The following ADAM2 variants were observed in gnomAD, a reference collection of about 807,000 sequenced individuals.
ADAM2 encodes the protein ADAM metallopeptidase domain 2.
ADAM2 carries 101 observed loss-of-function variants against 99.3 expected under a neutral mutation model. The ratio of observed to expected loss-of-function variants is 1.02; its 90% CI spans 0.87 to 1.20. The LOEUF (loss-of-function observed/expected upper bound fraction) is 1.20, where lower values mean the gene tolerates loss of function less well. Ranked by LOEUF, ADAM2 falls within the 50% of genes most tolerant of loss-of-function variation. The probability of loss-of-function intolerance (pLI) is 0.00; values close to 1 mark genes in which losing one functional copy is unlikely to be tolerated. For synonymous variants in ADAM2, 323 were observed against 287.6 expected, an observed-to-expected ratio of 1.12 and a Z score of -1.25; for missense variants, 948 against 878.7, an observed-to-expected ratio of 1.08 and a Z score of -1.00.
intron 7 of ADAM2, among the ~76,000 whole-genome samples, chr8:39,792,922 G>A (rs554656963): frequency 7.2e-5 from 11 of 152,136 alleles, no homozygotes; most frequent in Admixed American, 2.0e-4. Context: ...AAACTGGGTC[G>A]GGAAGACAGT....
At chr8:39,787,999 A>T in intron 9 of ADAM2, 86 bp downstream of exon 9, 1 of 890,420 alleles carries the variant, frequency 1.1e-6, no homozygotes, top group Non-Finnish European at 1.6e-6. Flanking sequence ...GATTTTTTTA[A>T]TACACATTTA....
At chr8:39,754,357 T>G (rs1193235405) in intron 16 of ADAM2, among the ~76,000 whole-genome samples, 2 of 152,150 alleles carry the variant, frequency 1.3e-5, no homozygotes, top group Non-Finnish European at 2.9e-5. Flanking sequence ...CTGCTCTGGA[T>G]GGACAACCTC....
chr8:39,770,532 C>T (rs1164484209), intron 11 of ADAM2, among the ~76,000 whole-genome samples: 5 of 152,178 alleles, frequency 3.3e-5, no homozygotes, highest in Non-Finnish European at 7.4e-5. Context: ...CCAATCAAAA[C>T]AAATGAGTTA....
At chr8:39,788,504 T>C (rs1803569321) in intron 8 of ADAM2, among the ~76,000 whole-genome samples, 165 bp downstream of exon 8, 1 of 151,814 alleles carries the variant, frequency 6.6e-6, no homozygotes, top group South Asian at 2.1e-4. Flanking sequence ...GTAGCCAAAT[T>C]ATGTGCATAC....
intron 7 of ADAM2, among the ~76,000 whole-genome samples, chr8:39,795,957 TG>T (rs1465293092): frequency 6.6e-6 from 1 of 152,110 alleles, no homozygotes; most frequent in Non-Finnish European, 1.5e-5. Flanking sequence ...GCAAACCCAA[TG>T]GTCTTTCCTT....
chr8:39,808,811 G>A (rs1804567656), intron 7 of ADAM2, among the ~76,000 whole-genome samples: 1 of 152,124 alleles, frequency 6.6e-6, no homozygotes. Context: ...AGTTACTTGT[G>A]AGGCTAAGGC....
intron 7 of ADAM2, among the ~76,000 whole-genome samples, chr8:39,802,463 C>G (rs543634916): frequency 4.6e-5 from 7 of 152,280 alleles, no homozygotes; most frequent in Admixed American, 3.9e-4. Flanking sequence ...TAGCTCTGTT[C>G]ATTGTTTTTG....
chr8:39,835,677 G>A (rs1369403946), intron 2 of ADAM2, among the ~76,000 whole-genome samples: 4 of 112,570 alleles, frequency 3.6e-5, no homozygotes, highest in Non-Finnish European at 7.8e-5. Context: ...GCAAGACTCC[G>A]TCTCAAAAAA....
chr8:39,759,999 TGGGATTACAGGC>T (rs926758317), intron 15 of ADAM2, among the ~76,000 whole-genome samples: 1 of 152,122 alleles, frequency 6.6e-6, no homozygotes, highest in African/African-American at 2.4e-5. Flanking sequence ...CTCGAGTAGC[TGGGATTACAGGC>T]AACCGCCATC....
chr8:39,826,404 T>C (rs1359171567), intron 3 of ADAM2, among the ~76,000 whole-genome samples: 1 of 151,944 alleles, frequency 6.6e-6, no homozygotes, highest in Non-Finnish European at 1.5e-5. Context: ...AAAAACAAAA[T>C]TGCATCGTTT....
intron 7 of ADAM2, among the ~76,000 whole-genome samples, chr8:39,792,772 CTGA>C: frequency 6.6e-6 from 1 of 152,218 alleles, no homozygotes; most frequent in South Asian, 2.1e-4. Context: ...GAACCAGCCT[CTGA>C]CTATAAGTTA....
At position 39,821,596 on chromosome 8, in the gene ADAM2, T is replaced by A. The variant is rs1259065203; in HGVS notation, c.334A>T (p.Thr112Ser). The change falls in exon 5 of 21, where the codon ACT (threonine) becomes TCT (serine). Residue 112 changes from threonine to serine, a missense_variant. Physicochemically the swap from Thr to Ser is moderately conservative, Grantham distance 58. Transcript: ENST00000265708. ...ACAGTAAATTACAACCTGAGTCCAG[T>A]ACATGTGCTAACCATCACCACAGAT... is the stretch of plus-strand genomic sequence containing the variant. ...PKSVVMVSTCTGLRGVLQFEN... is the reference protein window; with the variant it reads ...PKSVVMVSTCSGLRGVLQFEN... The A allele has an allele frequency of 6.3e-7, 1 of 1,597,984 alleles. No homozygotes were observed. Among genetic ancestry groups the A allele is most frequent in the Non-Finnish European group, 8.6e-7 (1 of 1,166,114 alleles).
At chr8:39,788,348 A>C (rs552121611) in intron 8 of ADAM2, 97 bp from the exon 9 acceptor site, 1 of 738,522 alleles carries the variant, frequency 1.4e-6, no homozygotes, top group East Asian at 3.1e-5. Context: ...ATATTAAACA[A>C]CTAAACTATA....
rs1803551297 is a variant in ADAM2 at position 39,788,090 on chromosome 8, T to TA, written c.803dup (p.Leu268PhefsTer21). 6.6e-7 allele frequency: 1 copy of TA among 1,525,584 alleles called. No homozygotes were observed. The highest frequency in any genetic ancestry group is 2.1e-5 in the Admixed American group (1 of 46,516). 94.5% of individuals were successfully genotyped at this position (1,525,584 alleles called of 1,614,324 possible). ...TAATGTCAAGATATCCTTACACAAG[T>TA]AAAAATGCCACATCATGAGGACGTA... On this transcript the variant is annotated frameshift_variant, in exon 9 of 21. Transcript: ENST00000265708. LOFTEE classifies it high-confidence loss of function.
intron 10 of ADAM2, among the ~76,000 whole-genome samples, chr8:39,786,068 A>C (rs1403350935): frequency 6.6e-6 from 1 of 152,186 alleles, no homozygotes; most frequent in African/African-American, 2.4e-5. Flanking sequence ...AGAAAACCAA[A>C]TACTGCGTGT....
intron 7 of ADAM2, among the ~76,000 whole-genome samples, chr8:39,801,947 G>A (rs1020377597): frequency 6.6e-6 from 1 of 152,068 alleles, no homozygotes; most frequent in East Asian, 1.9e-4. Flanking sequence ...GCAGTTGCTA[G>A]TCCCAGAGCT....
chr8:39,772,120 A>AG (rs935675605), intron 11 of ADAM2, among the ~76,000 whole-genome samples: 2 of 151,624 alleles, frequency 1.3e-5, no homozygotes, highest in African/African-American at 2.4e-5. Context: ...AAAAAAAAAA[A>AG]AAAAGAAAAG....
chr8:39,790,836 C>G (rs1439961288), intron 7 of ADAM2, among the ~76,000 whole-genome samples: 2 of 151,850 alleles, frequency 1.3e-5, no homozygotes, highest in African/African-American at 4.8e-5. Flanking sequence ...GGAAAGGGAA[C>G]AACTCCTGAA....
intron 7 of ADAM2, among the ~76,000 whole-genome samples, chr8:39,796,989 T>C (rs1803988287): frequency 6.6e-6 from 1 of 152,032 alleles, no homozygotes; most frequent in East Asian, 1.9e-4. Context: ...CACTCTGTAC[T>C]CCGTAGGTTG....
Sources: gnomAD v4.1 joint callset for allele counts (sites outside exome capture counted in the v4.1 genomes callset) on GRCh38, gnomAD v4.1.1 for gene constraint, MANE v1.5 for transcripts, NCBI Gene and HGNC (gene_info 2026-07-23, HGNC 2026-07-21) for gene names.